Variants in PSPC1 observed in about 807,000 individuals in gnomAD.
The protein encoded by PSPC1 is paraspeckle protein 1.
A neutral mutation model predicts 51.6 loss-of-function variants in PSPC1; 14 were observed. That is an observed-to-expected ratio of 0.27 (90% CI 0.18 to 0.42). The LOEUF (loss-of-function observed/expected upper bound fraction) is 0.42, where lower values mean the gene tolerates loss of function less well. PSPC1 is among the 10% of genes least tolerant of loss of function. The pLI is 1.00. For missense variants in PSPC1, 406 were observed against 701.1 expected (o/e 0.58, Z 4.75); for synonymous variants, 193 against 231.9 (o/e 0.83, Z 1.53).
chr13:19,777,429 CAAAAAAAAAA>C (rs397938970), intron 1 of PSPC1, among the ~76,000 whole-genome samples: 3 of 47,912 alleles, frequency 6.3e-5, no homozygotes, highest in Non-Finnish European at 1.3e-4. Flanking sequence ...GACCTCAGCT[CAAAAAAAAAA>C]AAAAAAAAAA....
At chr13:19,753,745 G>C (rs1300289413) in intron 3 of PSPC1, among the ~76,000 whole-genome samples, 1 of 152,120 alleles carries the variant, frequency 6.6e-6, no homozygotes, top group Non-Finnish European at 1.5e-5. Context: ...CAGAGGGAAA[G>C]ATGTAATAAC....
chr13:19,739,504 T>G (rs376533709), intron 5 of PSPC1, among the ~76,000 whole-genome samples: 1 of 152,032 alleles, frequency 6.6e-6, no homozygotes, highest in South Asian at 2.1e-4. Context: ...TCCCAGCACT[T>G]TGGGAGGCCG....
intron 6 of PSPC1, among the ~76,000 whole-genome samples, chr13:19,723,958 T>C (rs1056465973): frequency 2.0e-5 from 3 of 152,240 alleles, no homozygotes; most frequent in African/African-American, 7.2e-5. Context: ...GCCATCATTA[T>C]ACCATAAATA....
At chr13:19,778,374 CCTCCCCCTCCCCCTCCCCCTCCCT>C in intron 1 of PSPC1, among the ~76,000 whole-genome samples, 2 of 63,804 alleles carry the variant, frequency 3.1e-5, no homozygotes, top group South Asian at 8.2e-4. Context: ...TCCCCCTCCC[CCTCCCCCTCCCCCTCCCCCTCCCT>C]CTCCCTCTCC....
chr13:19,760,507 G>A (rs1018522843), intron 2 of PSPC1, among the ~76,000 whole-genome samples: 3 of 149,946 alleles, frequency 2.0e-5, no homozygotes, highest in Admixed American at 6.7e-5. Flanking sequence ...CAGCCTGGGC[G>A]ACAGAGTGAG....
At chr13:19,755,392 A>C (rs1886969630) in intron 3 of PSPC1, among the ~76,000 whole-genome samples, 2 of 152,238 alleles carry the variant, frequency 1.3e-5, no homozygotes, top group South Asian at 4.1e-4. Flanking sequence ...GTTCGAGACC[A>C]ACCTGGCCAA....
chr13:19,717,750 A>G (rs1882285978), intron 6 of PSPC1, among the ~76,000 whole-genome samples: 1 of 148,772 alleles, frequency 6.7e-6, no homozygotes, highest in African/African-American at 2.5e-5. Context: ...ATGGTGGTGC[A>G]CCCCTGTATC....
intron 6 of PSPC1, among the ~76,000 whole-genome samples, chr13:19,712,405 T>G (rs1398676247): frequency 6.6e-6 from 1 of 152,220 alleles, no homozygotes; most frequent in African/African-American, 2.4e-5. Context: ...TCTTTTTTAT[T>G]GTCTCTTTGT....
At chr13:19,672,600 G>T (rs1278941504), downstream of PSPC1, 1 of 153,014 alleles carries the variant, frequency 6.5e-6, no homozygotes, top group African/African-American at 2.4e-5. Flanking sequence ...ATAAAGTGTG[G>T]GTTTGCTGCC....
chr13:19,749,636 T>TC (rs1886332061), intron 4 of PSPC1, among the ~76,000 whole-genome samples: 3 of 65,860 alleles, frequency 4.6e-5, no homozygotes, highest in African/African-American at 1.1e-4. Context: ...AGACAGTTTA[T>TC]CTTTTTTTTT....
chr13:19,673,160 G>T, downstream of PSPC1: 1 of 450,790 alleles, frequency 2.2e-6, no homozygotes, highest in South Asian at 1.6e-5. Context: ...GGGAAGATGG[G>T]GCTTAGGTAA....
intron 4 of PSPC1, 52 bp downstream of exon 4, chr13:19,751,219 A>G (rs778122178): frequency 1.8e-4 from 260 of 1,458,872 alleles, no homozygotes; most frequent in Non-Finnish European, 2.1e-4. Context: ...TGGTACACAC[A>G]CTTAAGGGAA....
intron 3 of PSPC1, among the ~76,000 whole-genome samples, chr13:19,752,527 T>G (rs1173736897): frequency 1.3e-5 from 2 of 151,990 alleles, no homozygotes; most frequent in Admixed American, 6.6e-5. Context: ...AAGTGCAAAA[T>G]TACAGGTACA....
chr13:19,771,487 G>A (rs552278141), intron 2 of PSPC1, among the ~76,000 whole-genome samples: 2 of 152,238 alleles, frequency 1.3e-5, no homozygotes, highest in African/African-American at 4.8e-5. Flanking sequence ...CTAGGCTGGA[G>A]TAGAGTGGCA....
chr13:19,677,078 C>T (rs1002040756), intron 7 of PSPC1, among the ~76,000 whole-genome samples: 3 of 151,926 alleles, frequency 2.0e-5, no homozygotes, highest in African/African-American at 4.8e-5. Context: ...ACTAAAAATA[C>T]AAAAATTAGC....
intron 6 of PSPC1, among the ~76,000 whole-genome samples, chr13:19,689,100 G>A (rs1452394170): frequency 6.6e-6 from 1 of 152,274 alleles, no homozygotes; most frequent in African/African-American, 2.4e-5. Flanking sequence ...CTGTCGACAT[G>A]AGCTGTCAGG....
intron 5 of PSPC1, among the ~76,000 whole-genome samples, chr13:19,733,086 G>A (rs4769898): frequency 0.03 from 4,502 of 152,266 alleles, 195 homozygotes; most frequent in Admixed American, 0.12. Context: ...AAACAGAAAT[G>A]TACGCACAAA....
chr13:19,697,870 G>A (rs1218195916), downstream of PSPC1, among the ~76,000 whole-genome samples: 3 of 152,108 alleles, frequency 2.0e-5, no homozygotes, highest in South Asian at 4.1e-4. Context: ...AGTTAACCAC[G>A]AAAGGTACAC....
In PSPC1 at chr13:19,677,102, A is replaced by G. The variant is rs112471587; in HGVS notation, c.*76+622T>C. ...ACAAAAATTAGCCGGGCATGGTGGC[A>G]GGCGCCTGTGGTCCCAGCTACTCGG... On this transcript the variant is annotated intron_variant and NMD_transcript_variant, in intron 7 of 7. Coordinates refer to the PSPC1 transcript ENST00000471658. 4.4e-4 allele frequency among the ~76,000 whole-genome samples: 67 copies of G among 152,126 alleles called. 1 individual carries two copies. Among genetic ancestry groups the G allele is most frequent in the Admixed American group, 1.2e-3 (19 of 15,288 alleles).
Sources: gnomAD v4.1 joint callset for allele counts (sites outside exome capture counted in the v4.1 genomes callset) on GRCh38, gnomAD v4.1.1 for gene constraint, MANE v1.5 for transcripts, NCBI Gene and HGNC (gene_info 2026-07-23, HGNC 2026-07-21) for gene names.